Variants in DCC observed in about 807,000 individuals in gnomAD.
The protein encoded by DCC is netrin receptor DCC.
Under a neutral mutation model 172.5 loss-of-function variants are expected in DCC, and 58 were observed. The ratio of observed to expected loss-of-function variants is 0.34; its 90% CI spans 0.27 to 0.42. DCC has a LOEUF of 0.42. Ranked by LOEUF, DCC falls within the 10% of genes least tolerant of loss-of-function variation. The pLI, the probability that DCC is intolerant of heterozygous loss-of-function variation, is 1.00. For synonymous variants in DCC, 709 were observed against 644.5 expected (o/e 1.10, Z -1.52); for missense variants, 1,740 against 1,791.0 (o/e 0.97, Z 0.51).
chr18:53,446,096 T>TAGAAA (rs1167100791), intron 22 of DCC, among the ~76,000 whole-genome samples: 217 of 14,404 alleles, frequency 0.015, 2 homozygotes, highest in African/African-American at 0.048. Context: ...ACCCTGTCTC[T>TAGAAA]ACAAAAAAAA....
chr18:52,577,876 G>T, intron 1 of DCC, among the ~76,000 whole-genome samples: 1 of 152,226 alleles, frequency 6.6e-6, no homozygotes. Context: ...TTAAAAACAA[G>T]TAGTTGGACA....
intron 1 of DCC, among the ~76,000 whole-genome samples, chr18:52,460,617 G>A (rs1020472727): frequency 6.6e-6 from 1 of 151,994 alleles, no homozygotes; most frequent in African/African-American, 2.4e-5. Flanking sequence ...AACCTAGATG[G>A]TATAGCCTAG....
intron 7 of DCC, among the ~76,000 whole-genome samples, chr18:53,120,714 T>A (rs2043471390): frequency 6.6e-6 from 1 of 151,932 alleles, no homozygotes; most frequent in Admixed American, 6.6e-5. Flanking sequence ...AATTATATAC[T>A]TGTTTTAAGT....
chr18:53,207,930 T>G, intron 11 of DCC, 113 bp downstream of exon 11: 1 of 945,202 alleles, frequency 1.1e-6, no homozygotes, highest in Admixed American at 1.7e-5. Context: ...TGACTAAAAT[T>G]TTATGGACTA....
chr18:53,219,609 A>G (rs2055901174), intron 12 of DCC, among the ~76,000 whole-genome samples: 1 of 152,090 alleles, frequency 6.6e-6, no homozygotes, highest in Non-Finnish European at 1.5e-5. Context: ...ATCTATGTGA[A>G]TGTCTTTTTG....
At chr18:52,689,197 C>A (rs2035889925) in intron 1 of DCC, among the ~76,000 whole-genome samples, 1 of 152,156 alleles carries the variant, frequency 6.6e-6, no homozygotes, top group South Asian at 2.1e-4. Context: ...TCTGTTGGAG[C>A]CATATGACTA....
intron 7 of DCC, among the ~76,000 whole-genome samples, chr18:53,092,217 A>C (rs2043024160): frequency 6.6e-6 from 1 of 152,170 alleles, no homozygotes; most frequent in African/African-American, 2.4e-5. Flanking sequence ...TTATTAGAGT[A>C]GCTGGTAGGT....
chr18:53,421,662 G>A (rs999773916), intron 21 of DCC, among the ~76,000 whole-genome samples: 6 of 152,202 alleles, frequency 3.9e-5, no homozygotes, highest in Non-Finnish European at 7.3e-5. Context: ...TTCAGTTCTA[G>A]CACAGTCCTG....
At chr18:53,018,009 A>G (rs1296272967) in intron 5 of DCC, among the ~76,000 whole-genome samples, 1 of 152,188 alleles carries the variant, frequency 6.6e-6, no homozygotes, top group African/African-American at 2.4e-5. Context: ...TGACATGTAC[A>G]TAATCTTGTC....
chr18:53,512,597 A>T (rs2046271316), intron 27 of DCC, among the ~76,000 whole-genome samples: 1 of 151,252 alleles, frequency 6.6e-6, no homozygotes, highest in African/African-American at 2.4e-5. Flanking sequence ...TAGAATAACC[A>T]ATACAGAGAA....
At chr18:53,351,965 G>A (rs1315280766) in intron 15 of DCC, among the ~76,000 whole-genome samples, 1 of 151,930 alleles carries the variant, frequency 6.6e-6, no homozygotes, top group Non-Finnish European at 1.5e-5. Flanking sequence ...TTTTTTCAAA[G>A]TTAAATGTTA....
chr18:53,404,354 T>C (rs924613809), intron 19 of DCC, among the ~76,000 whole-genome samples: 4 of 151,552 alleles, frequency 2.6e-5, no homozygotes, highest in African/African-American at 4.9e-5. Context: ...GTGTAAACAA[T>C]AGAATAAGTT....
At chr18:53,458,752 G>C (rs772027470) in intron 23 of DCC, among the ~76,000 whole-genome samples, 16 of 152,134 alleles carry the variant, frequency 1.1e-4, no homozygotes, top group Non-Finnish European at 2.1e-4. Flanking sequence ...TTTCCCAGTT[G>C]CACATTAAAT....
chr18:53,245,935 T>G (rs1254576663), intron 12 of DCC, among the ~76,000 whole-genome samples: 1 of 152,072 alleles, frequency 6.6e-6, no homozygotes, highest in Non-Finnish European at 1.5e-5. Context: ...TCAGAGTGAC[T>G]CCAGGAGTTG....
intron 1 of DCC, among the ~76,000 whole-genome samples, chr18:52,369,868 C>T (rs546208393): frequency 6.6e-6 from 1 of 152,166 alleles, no homozygotes; most frequent in Non-Finnish European, 1.5e-5. Flanking sequence ...ACGTTTGAGT[C>T]AACCTGAATA....
At chr18:53,154,751 G>T (rs11082970) in intron 7 of DCC, among the ~76,000 whole-genome samples, 47,078 of 151,964 alleles carry the variant, frequency 0.31, 9,121 homozygotes, top group East Asian at 0.59. Flanking sequence ...GGGTTTCCAG[G>T]CTGCACAGCT....
chr18:53,350,573 C>T (rs1428364147), intron 15 of DCC, among the ~76,000 whole-genome samples: 4 of 120,334 alleles, frequency 3.3e-5, no homozygotes, highest in Non-Finnish European at 1.9e-5. Context: ...TATTTTTTGC[C>T]TCTCCATAAT....
In DCC at chr18:53,528,229, C is replaced by G. The variant is rs1014954199; in HGVS notation, c.4254+1470C>G. Among the ~76,000 whole-genome samples, 3 of 151,760 alleles carry G rather than the reference C, an allele frequency of 2.0e-5. No individual in the cohort carries two copies. In the South Asian group the frequency reaches 6.2e-4, roughly 31 times the overall value. ...TTCTTGACTTAATTTTTTTTCAATA[C>G]TACAAACAATAAAATATTTTAACGA... On this transcript the variant is annotated intron_variant, in intron 28 of 28. Coordinates refer to ENST00000442544, the MANE Select transcript of DCC (RefSeq NM_005215.4).
At chr18:53,384,392 A>AT (rs1219766984) in intron 15 of DCC, among the ~76,000 whole-genome samples, 7 of 152,020 alleles carry the variant, frequency 4.6e-5, no homozygotes, top group African/African-American at 9.7e-5. Context: ...AAATCAGCAG[A>AT]TTTTTTATTT....
Sources: allele counts gnomAD v4.1 joint callset (sites outside exome capture counted in the v4.1 genomes callset), GRCh38; gene constraint gnomAD v4.1.1; transcripts MANE v1.5; gene names NCBI Gene and HGNC (gene_info 2026-07-23, HGNC 2026-07-21).